Variants in RANGAP1 observed in about 807,000 individuals in gnomAD.
The protein encoded by RANGAP1 is ran GTPase-activating protein 1.
In RANGAP1, 38 loss-of-function variants were observed where a neutral mutation model predicts 63.5. The ratio of observed to expected loss-of-function variants is 0.60; its 90% CI spans 0.46 to 0.78. The LOEUF is 0.78. RANGAP1 is among the 30% of genes least tolerant of loss of function. RANGAP1 has a pLI of 0.00. For synonymous variants in RANGAP1, 329 were observed against 310.5 expected (o/e 1.06, Z -0.63); for missense variants, 630 against 740.3 (o/e 0.85, Z 1.73).
At chr22:41,290,941 G>C (rs958979554), upstream of RANGAP1, among the ~76,000 whole-genome samples, 1 of 152,204 alleles carries the variant, frequency 6.6e-6, no homozygotes, top group Non-Finnish European at 1.5e-5. Context: ...AGAGAGATGG[G>C]TCAGCCCACC....
intron 4 of RANGAP1, among the ~76,000 whole-genome samples, chr22:41,266,744 G>A (rs1247625628): frequency 6.6e-6 from 1 of 152,202 alleles, no homozygotes; most frequent in Non-Finnish European, 1.5e-5. Context: ...ATGTTGGCCA[G>A]GCTGGTCTCC....
intron 11 of RANGAP1, 170 bp from the exon 12 acceptor site, chr22:41,253,161 C>A: frequency 1.5e-6 from 1 of 689,210 alleles, no homozygotes; most frequent in African/African-American, 1.9e-5. Flanking sequence ...TCAATATCAC[C>A]CAGAGATGCT....
intron 3 of RANGAP1, among the ~76,000 whole-genome samples, chr22:41,271,386 T>TAAAA (rs35627809): frequency 4.3e-5 from 4 of 91,956 alleles, no homozygotes; most frequent in Non-Finnish European, 8.4e-5. Flanking sequence ...AAACTGTCTC[T>TAAAA]AAAAAAAAAC....
At chr22:41,285,059 G>A (rs2035683659) in intron 1 of RANGAP1, 1 of 152,168 alleles carries the variant, frequency 6.6e-6, no homozygotes, top group African/African-American at 2.4e-5. Flanking sequence ...GGGAGGTTGA[G>A]GTGGGAGGAT....
rs759902545 is a variant in RANGAP1 at position 41,286,013 on chromosome 22, G to C, written c.-66C>G. On this transcript the variant is annotated 5_prime_UTR_variant, in exon 1 of 16. Transcript: ENST00000356244. ...TAAACAGGCGGCGCCGCCGCGTGGG[G>C]GGAATCGAGCGCGCGCCTCCGCCCT... 6.6e-6 allele frequency: 1 copy of C among 152,386 alleles called. No individual in the cohort carries two copies. The highest frequency in any genetic ancestry group is 2.4e-5 in the African/African-American group (1 of 41,456). The allele number at this position is 152,386 out of a possible 1,614,324, so 9.4% of individuals were successfully genotyped here.
rs995898922 is a variant in RANGAP1 at position 41,258,907 on chromosome 22, G to A, written c.616-801C>T. Among the ~76,000 whole-genome samples, 6 of 152,108 alleles carry A rather than the reference G, an allele frequency of 3.9e-5. No homozygotes were observed. In the South Asian group the frequency reaches 6.2e-4, roughly 16 times the overall value. ...TGACCTCAGGCGATCCAGCTTCCTC[G>A]GCCTCTCAAAGTGCTGGGATTACAG... On this transcript the variant is annotated intron_variant, in intron 6 of 15. Coordinates refer to ENST00000356244, the MANE Select transcript of RANGAP1 (RefSeq NM_002883.4).
chr22:41,258,042 G>A lies in RANGAP1; in HGVS notation c.680C>T (p.Ala227Val), dbSNP rs767468124. The A allele has an allele frequency of 6.2e-7, 1 of 1,613,752 alleles. No individual in the cohort carries two copies. The highest frequency in any genetic ancestry group is 8.5e-7 in the Non-Finnish European group (1 of 1,179,756). Reference sequence around the variant, plus strand: ...GTTGACAGCGAAAGCCTGGGCCAGGGCAGTGATGCCAGGGTGGTTGATCCC... The same window carrying A: ...GTTGACAGCGAAAGCCTGGGCCAGGACAGTGATGCCAGGGTGGTTGATCCC... ...QNGINHPGIT[A>V]LAQAFAVNPL... Residue 227 changes from alanine (A) to valine (V), a missense_variant, in exon 7 of 16, where the codon GCC (alanine) becomes GTC (valine). Coordinates refer to ENST00000356244, the MANE Select transcript of RANGAP1 (RefSeq NM_002883.4).
At chr22:41,293,517 C>T in the RANGAP1 span, among the ~76,000 whole-genome samples, 1 of 151,958 alleles carries the variant, frequency 6.6e-6, no homozygotes, top group Non-Finnish European at 1.5e-5. Context: ...CAGTGCCTCA[C>T]GCCTGTAATC....
At chr22:41,278,026 A>T (rs1373796111) in intron 2 of RANGAP1, among the ~76,000 whole-genome samples, 1 of 147,812 alleles carries the variant, frequency 6.8e-6, no homozygotes, top group African/African-American at 2.5e-5. Context: ...TTTCAGAGCC[A>T]GCCAAACTTG....
chr22:41,251,486 G>T (rs2145686347), intron 12 of RANGAP1, among the ~76,000 whole-genome samples: 1 of 152,108 alleles, frequency 6.6e-6, no homozygotes, highest in Admixed American at 6.5e-5. Context: ...ATTAGCCAAG[G>T]TTGGTGGTGT....
chr22:41,285,783 C>A (rs939745530), intron 1 of RANGAP1: 5 of 834,472 alleles, frequency 6.0e-6, no homozygotes, highest in Non-Finnish European at 7.2e-6. Context: ...GCCCTTTAAG[C>A]CTCAGTTTCC....
At chr22:41,261,396 G>A (rs758547750) in intron 6 of RANGAP1, 50 bp downstream of exon 6, 9 of 1,610,974 alleles carry the variant, frequency 5.6e-6, no homozygotes, top group African/African-American at 2.7e-5. Flanking sequence ...AGCCTACTAT[G>A]CCGAGTGCAC....
Position 41,256,796 on chromosome 22 carries a change from A to G in RANGAP1, c.803T>C (p.Val268Ala), listed in dbSNP as rs753340998. 2 of 1,590,176 alleles carry G rather than the reference A, an allele frequency of 1.3e-6. No individual in the cohort carries two copies. Among genetic ancestry groups the G allele is most frequent in the Admixed American group, 1.8e-5 (1 of 56,884 alleles). ...CACCAGGCAGTCCCCAAAATTAATC[A>G]CCTCCACCTGCCGCAAGGTCTTCAA... ...ETLKTLRQVE[V>A]INFGDCLVRS... The change falls in exon 8 of 16, where the codon GTG becomes GCG. Residue 268 changes from valine (V) to alanine (A), a missense_variant. Transcript: ENST00000356244.
chr22:41,247,615 G>A (rs1157166767), intron 15 of RANGAP1, among the ~76,000 whole-genome samples: 1 of 152,252 alleles, frequency 6.6e-6, no homozygotes, highest in Non-Finnish European at 1.5e-5. Flanking sequence ...GCTTCCCAAA[G>A]TGCTGGGATT....
intron 3 of RANGAP1, among the ~76,000 whole-genome samples, chr22:41,270,954 G>GGACT (rs1354121053): frequency 6.6e-6 from 1 of 152,088 alleles, no homozygotes; most frequent in Non-Finnish European, 1.5e-5. Flanking sequence ...AGTCAGCATA[G>GGACT]GACTCTAGGG....
chr22:41,265,392 G>C (rs1004083547), intron 4 of RANGAP1, among the ~76,000 whole-genome samples: 3 of 152,178 alleles, frequency 2.0e-5, no homozygotes, highest in Admixed American at 6.6e-5. Flanking sequence ...GCACAGAAAG[G>C]GGGGCTGGAG....
the RANGAP1 span, among the ~76,000 whole-genome samples, chr22:41,294,663 C>T: frequency 1.4e-5 from 2 of 143,102 alleles, no homozygotes; most frequent in East Asian, 4.1e-4. Flanking sequence ...CTCTGCCCGG[C>T]CGCCCATCGT....
At chr22:41,261,098 G>A (rs1430631301) in intron 6 of RANGAP1, among the ~76,000 whole-genome samples, 1 of 152,136 alleles carries the variant, frequency 6.6e-6, no homozygotes, top group Non-Finnish European at 1.5e-5. Context: ...CCACACCAGT[G>A]GCTGGGCCAG....
At chr22:41,297,692 T>C in the RANGAP1 span, among the ~76,000 whole-genome samples, 1 of 144,184 alleles carries the variant, frequency 6.9e-6, no homozygotes, top group South Asian at 2.3e-4. Context: ...CTGGCTTTTT[T>C]TTTTTTTTTT....
Sources: allele counts gnomAD v4.1 joint callset (sites outside exome capture counted in the v4.1 genomes callset), GRCh38; gene constraint gnomAD v4.1.1; transcripts MANE v1.5; gene names NCBI Gene and HGNC (gene_info 2026-07-23, HGNC 2026-07-21).